The following MFSD8 variants were observed in gnomAD, a reference collection of about 807,000 sequenced individuals.
The protein encoded by MFSD8 is major facilitator superfamily domain containing 8.
Under a neutral mutation model 66.4 loss-of-function variants are expected in MFSD8, and 55 were observed. That is an observed-to-expected ratio of 0.83 (90% CI 0.67 to 1.04). The LOEUF (loss-of-function observed/expected upper bound fraction) is 1.04, where lower values mean the gene tolerates loss of function less well. Ranked by LOEUF, MFSD8 falls within the 50% of genes least tolerant of loss-of-function variation. MFSD8 has a pLI of 0.00. For synonymous variants in MFSD8, 202 were observed against 212.8 expected (o/e 0.95, Z 0.44); for missense variants, 550 against 627.6 (o/e 0.88, Z 1.32).
chr4:127,921,663 T>C lies in MFSD8; in HGVS notation c.1211A>G (p.Glu404Gly). Residue 404 changes from glutamate (E) to glycine (G), a missense_variant, in exon 11 of 12, where the codon GAA becomes GGA. Glu to Gly is a moderately conservative substitution (Grantham distance 98). Transcript: ENST00000641686. Reference sequence around the variant, plus strand: ...CGGGGTGTAGAGGCACCAGGCTTGTTCAATCGAGCAACCAGTTGGTCTTTC... The same window carrying C: ...CGGGGTGTAGAGGCACCAGGCTTGTCCAATCGAGCAACCAGTTGGTCTTTC... ...DNERPTGCSI[E>G]QAWCLYTPVI... 1.2e-6 allele frequency: 2 copies of C among 1,614,170 alleles called. No individual in the cohort carries two copies. Among genetic ancestry groups the C allele is most frequent in the Middle Eastern group, 1.6e-4 (1 of 6,062 alleles).
intron 3 of MFSD8, 35 bp from the exon 4 acceptor site, chr4:127,944,027 A>C: frequency 6.2e-7 from 1 of 1,613,634 alleles, no homozygotes; most frequent in Non-Finnish European, 8.5e-7. Context: ...AAGAATTGTT[A>C]TCCAAGAAAA....
chr4:127,947,595 C>G (rs890833581), intron 3 of MFSD8, among the ~76,000 whole-genome samples: 2 of 130,890 alleles, frequency 1.5e-5, no homozygotes, highest in African/African-American at 5.8e-5. Context: ...AAAAAAAAAA[C>G]AGAGAGAGAG....
At position 127,938,831 on chromosome 4, in the gene MFSD8, G is replaced by A. The variant is rs758002981; in HGVS notation, c.706C>T (p.Arg236Cys). The A allele has an allele frequency of 1.3e-5, 21 of 1,605,514 alleles. No homozygotes were observed. Among genetic ancestry groups the A allele is most frequent in the East Asian group, 2.2e-5 (1 of 44,500 alleles). Residue 236 changes from arginine (R) to cysteine (C), a missense_variant, in exon 7 of 12, where the codon CGT becomes TGT. By Grantham distance (180) the Arg-to-Cys change is radical. Transcript: ENST00000641686. ...CACTGTCTTCCTGAGTCATCCACAC[G>A]ATGTTCTCTTAAAAAGAAAAACACA... The part of the protein sequence containing the change: ...ILILAILREH[R>C]VDDSGRQCKS...
intron 5 of MFSD8, among the ~76,000 whole-genome samples, chr4:127,940,597 G>GAA (rs79410803): frequency 7.2e-6 from 1 of 139,248 alleles, no homozygotes. Flanking sequence ...CAAGTAAAAT[G>GAA]AAAAAAAAAA....
At position 127,943,792 on chromosome 4, in the gene MFSD8, G is replaced by GTAT; in HGVS notation, c.396_398dup (p.Lys132_Tyr133insTer). The GTAT allele has an allele frequency of 6.2e-7, 1 of 1,614,142 alleles. No individual in the cohort carries two copies. The highest frequency in any genetic ancestry group is 8.5e-7 in the Non-Finnish European group (1 of 1,180,026). ...ACAATCCACGAGCAACCAGCATGTA[G>GTAT]TATTTATTATGAGAAGCTGGGATGT... On this transcript the variant is annotated stop_gained, in exon 4 of 12. Transcript: ENST00000641686. LOFTEE classifies it high-confidence loss of function.
chr4:127,931,273 T>C (rs1738083426), intron 8 of MFSD8, among the ~76,000 whole-genome samples: 1 of 152,234 alleles, frequency 6.6e-6, no homozygotes, highest in Non-Finnish European at 1.5e-5. Context: ...TTCCTTTATA[T>C]GACTATATCC....
At chr4:127,941,646 G>C (rs945842055) in intron 5 of MFSD8, among the ~76,000 whole-genome samples, 1 of 152,082 alleles carries the variant, frequency 6.6e-6, no homozygotes, top group Non-Finnish European at 1.5e-5. Context: ...ATTTTTAGTA[G>C]AGATGGGGTT....
intron 2 of MFSD8, among the ~76,000 whole-genome samples, chr4:127,953,059 G>C (rs1311311043): frequency 6.6e-6 from 1 of 151,998 alleles, no homozygotes; most frequent in Non-Finnish European, 1.5e-5. Flanking sequence ...CTTCTTGATG[G>C]AACCCCAGTT....
At chr4:127,940,927 G>T (rs753424258) in intron 5 of MFSD8, among the ~76,000 whole-genome samples, 75 of 152,026 alleles carry the variant, frequency 4.9e-4, no homozygotes, top group Non-Finnish European at 8.5e-4. Context: ...CTTGTTGAGG[G>T]CTTATTATTG....
intron 9 of MFSD8, among the ~76,000 whole-genome samples, chr4:127,928,759 A>G (rs1737626701): frequency 6.6e-6 from 1 of 152,204 alleles, no homozygotes; most frequent in African/African-American, 2.4e-5. Flanking sequence ...AAAAGAAATG[A>G]AATCAATATA....
At chr4:127,959,122 C>T (rs1351153731) in intron 1 of MFSD8, among the ~76,000 whole-genome samples, 1 of 152,178 alleles carries the variant, frequency 6.6e-6, no homozygotes, top group Admixed American at 6.5e-5. Context: ...GCATCCTGTA[C>T]CTTTTGATGT....
At chr4:127,924,879 T>C (rs1362994011) in intron 9 of MFSD8, among the ~76,000 whole-genome samples, 1 of 152,088 alleles carries the variant, frequency 6.6e-6, no homozygotes, top group African/African-American at 2.4e-5. Flanking sequence ...GCATGATTCT[T>C]GTACCAAAAC....
chr4:127,962,880 C>A (rs2148992415), intron 1 of MFSD8, among the ~76,000 whole-genome samples: 1 of 152,226 alleles, frequency 6.6e-6, no homozygotes, highest in Middle Eastern at 3.4e-3. Context: ...AATACATTTG[C>A]CAAAGGGTTT....
At chr4:127,927,696 C>CT (rs921439340) in intron 9 of MFSD8, among the ~76,000 whole-genome samples, 7 of 152,014 alleles carry the variant, frequency 4.6e-5, no homozygotes, top group African/African-American at 1.4e-4. Context: ...CAAAATGATT[C>CT]TTTTTTTAAG....
intron 2 of MFSD8, among the ~76,000 whole-genome samples, chr4:127,953,128 A>G (rs1180745231): frequency 1.3e-5 from 2 of 152,140 alleles, no homozygotes; most frequent in Non-Finnish European, 2.9e-5. Flanking sequence ...AACTCTCTCC[A>G]TGTTCGATCC....
At chr4:127,951,828 A>G (rs1742025732) in intron 2 of MFSD8, among the ~76,000 whole-genome samples, 1 of 149,842 alleles carries the variant, frequency 6.7e-6, no homozygotes, top group Admixed American at 6.7e-5. Context: ...TCCCGGGTTC[A>G]AGCAATTCTC....
At chr4:127,942,267 G>T in intron 4 of MFSD8, 109 bp from the exon 5 acceptor site, 1 of 787,380 alleles carries the variant, frequency 1.3e-6, no homozygotes, top group African/African-American at 1.7e-5. Context: ...CAACAGTACA[G>T]TCACTGCTTC....
At chr4:127,964,003 CAG>C (rs1289713303) in intron 1 of MFSD8, among the ~76,000 whole-genome samples, 4 of 152,310 alleles carry the variant, frequency 2.6e-5, no homozygotes, top group Admixed American at 1.3e-4. Context: ...TAGCTAGATA[CAG>C]AGTGTCGACT....
At chr4:127,930,615 G>A in intron 9 of MFSD8, 68 bp downstream of exon 9, 1 of 1,548,590 alleles carries the variant, frequency 6.5e-7, no homozygotes, top group Non-Finnish European at 8.9e-7. Context: ...ATATCCATTT[G>A]CATTGTTAGC....
Sources: gnomAD v4.1 joint callset for allele counts (sites outside exome capture counted in the v4.1 genomes callset) on GRCh38, gnomAD v4.1.1 for gene constraint, MANE v1.5 for transcripts, NCBI Gene and HGNC (gene_info 2026-07-23, HGNC 2026-07-21) for gene names.